ZFHX3: variants seen among roughly 807,000 people sequenced by gnomAD.
ZFHX3 encodes zinc finger homeobox protein 3.
ZFHX3 carries 42 observed loss-of-function variants against 279.1 expected under a neutral mutation model. The observed-to-expected ratio is 0.15, with a 90% CI of 0.12 to 0.19. The LOEUF is 0.19. Among genes scored for constraint, ZFHX3 ranks in the 10% least tolerant of loss-of-function variants. The pLI, the probability that ZFHX3 is intolerant of heterozygous loss-of-function variation, is 1.00. For synonymous variants in ZFHX3, 2,293 were observed against 1,957.8 expected, an observed-to-expected ratio of 1.17 and a Z score of -4.52; for missense variants, 4,981 against 4,754.0, an observed-to-expected ratio of 1.05 and a Z score of -1.40.
At chr16:73,805,830 G>A (rs328385) in intron 1 of ZFHX3, among the ~76,000 whole-genome samples, 7,591 of 152,204 alleles carry the variant, frequency 0.05, 599 homozygotes, top group African/African-American at 0.17. Flanking sequence ...AGGGTGATGG[G>A]GGTACTTCTT....
chr16:73,639,214 C>T (rs533608999), intron 2 of ZFHX3, among the ~76,000 whole-genome samples: 2 of 152,136 alleles, frequency 1.3e-5, no homozygotes, highest in African/African-American at 4.8e-5. Context: ...TAATCAAGTC[C>T]ACAGCAGCAT....
At chr16:72,939,260 A>C (rs1459268322) in intron 3 of ZFHX3, among the ~76,000 whole-genome samples, 1 of 152,110 alleles carries the variant, frequency 6.6e-6, no homozygotes, top group East Asian at 1.9e-4. Flanking sequence ...ATCTCGAGGC[A>C]CAGAGTACCC....
chr16:73,057,483 G>A (rs1965582129), intron 1 of ZFHX3, among the ~76,000 whole-genome samples: 1 of 151,694 alleles, frequency 6.6e-6, no homozygotes, highest in Non-Finnish European at 1.5e-5. Flanking sequence ...GTGGAGCCGG[G>A]CGAGGGGTGA....
At chr16:73,026,338 A>G (rs1425828248) in intron 1 of ZFHX3, among the ~76,000 whole-genome samples, 1 of 151,528 alleles carries the variant, frequency 6.6e-6, no homozygotes, top group Non-Finnish European at 1.5e-5. Context: ...ACACCACTGC[A>G]CTCCAGGCTG....
intron 3 of ZFHX3, among the ~76,000 whole-genome samples, chr16:72,894,230 A>T (rs2038841802): frequency 6.6e-6 from 1 of 151,984 alleles, no homozygotes; most frequent in African/African-American, 2.4e-5. Flanking sequence ...ATCCCAACCC[A>T]AACTTCTGCT....
intron 1 of ZFHX3, among the ~76,000 whole-genome samples, chr16:73,871,833 A>G (rs929493857): frequency 6.6e-6 from 1 of 152,218 alleles, no homozygotes; most frequent in African/African-American, 2.4e-5. Flanking sequence ...TCACCTTGAA[A>G]AGCAACAAGC....
chr16:73,360,197 G>C (rs1431798069), intron 3 of ZFHX3, among the ~76,000 whole-genome samples: 1 of 152,176 alleles, frequency 6.6e-6, no homozygotes, highest in African/African-American at 2.4e-5. Flanking sequence ...CAAGATACAC[G>C]TGACAATAAT....
chr16:73,748,734 G>A (rs1280689675), intron 1 of ZFHX3, among the ~76,000 whole-genome samples: 1 of 152,166 alleles, frequency 6.6e-6, no homozygotes, highest in African/African-American at 2.4e-5. Context: ...AAATGGAAGT[G>A]TCTTTGCCTA....
intron 1 of ZFHX3, among the ~76,000 whole-genome samples, chr16:73,043,692 G>A (rs77168008): frequency 0.027 from 4,104 of 152,276 alleles, 174 homozygotes; most frequent in African/African-American, 0.09. Context: ...TACTTCTGAA[G>A]CTTCAGCTCA....
At chr16:73,847,449 G>A (rs977890981) in intron 1 of ZFHX3, among the ~76,000 whole-genome samples, 1 of 152,166 alleles carries the variant, frequency 6.6e-6, no homozygotes, top group Non-Finnish European at 1.5e-5. Flanking sequence ...ACCCTTGGCA[G>A]GCATTTGTAG....
chr16:73,666,276 A>G (rs998115942), intron 2 of ZFHX3, among the ~76,000 whole-genome samples: 2 of 152,014 alleles, frequency 1.3e-5, no homozygotes, highest in African/African-American at 4.8e-5. Flanking sequence ...GAGAAGTTAC[A>G]TGGGATCACA....
chr16:73,028,470 CACA>C (rs1964587828), intron 1 of ZFHX3, among the ~76,000 whole-genome samples: 1 of 152,138 alleles, frequency 6.6e-6, no homozygotes, highest in Non-Finnish European at 1.5e-5. Context: ...GGGGCTGCCA[CACA>C]CCGGGTTTGG....
At chr16:73,654,803 TA>T (rs1263136549) in intron 2 of ZFHX3, among the ~76,000 whole-genome samples, 2 of 147,334 alleles carry the variant, frequency 1.4e-5, no homozygotes, top group Non-Finnish European at 3.0e-5. Context: ...GAAATTAAAA[TA>T]ATTTTTTAAA....
rs139620617 is a variant in ZFHX3, at chr16:73,821,568, T to C, written c.-1608+70083A>G. 9.8e-5 allele frequency among the ~76,000 whole-genome samples: 15 copies of C among 152,364 alleles called. No individual in the cohort carries two copies. The East Asian group carries it at 2.7e-3, about 27-fold the overall frequency. ...ACTGTTATGACAACTTGAGATAATG[T>C]ATCAAAGTGCACAGCGTGGTGCTGG... On this transcript the variant is annotated intron_variant, in intron 1 of 17. Transcript: ENST00000641206.
At chr16:72,862,467 G>C (rs1421334603) in intron 4 of ZFHX3, among the ~76,000 whole-genome samples, 1 of 152,200 alleles carries the variant, frequency 6.6e-6, no homozygotes, top group Non-Finnish European at 1.5e-5. Flanking sequence ...CCTTGATAAG[G>C]AGTAGCCCAG....
At chr16:72,900,041 G>T (rs956694424) in intron 3 of ZFHX3, among the ~76,000 whole-genome samples, 4 of 148,570 alleles carry the variant, frequency 2.7e-5, no homozygotes, top group African/African-American at 7.5e-5. Context: ...CACACACAGG[G>T]CTGCCTTCAC....
rs2053214479 is a variant in ZFHX3, at chr16:73,698,130, TA to T, written c.-1607-17891del. Among the ~76,000 whole-genome samples the T allele has an allele frequency of 2.0e-5, 3 of 152,282 alleles. No homozygotes were observed. The South Asian group carries it at 6.2e-4, about 32-fold the overall frequency. On this transcript the variant is annotated intron_variant, in intron 1 of 17. Coordinates refer to the ZFHX3 transcript ENST00000641206. Reference sequence around the variant, plus strand: ...ATCAATGTCAATTTCTTAGTTTTGGTAATTGTACCATGGTTATGGTACAATT... The same window carrying T: ...ATCAATGTCAATTTCTTAGTTTTGGTATTGTACCATGGTTATGGTACAATT...
chr16:73,782,612 T>C (rs1959510584), intron 1 of ZFHX3, among the ~76,000 whole-genome samples: 1 of 152,184 alleles, frequency 6.6e-6, no homozygotes, highest in Non-Finnish European at 1.5e-5. Flanking sequence ...GCTCCCCTTG[T>C]GGTTAGACGA....
chr16:73,251,533 C>T (rs1339319708), intron 5 of ZFHX3, among the ~76,000 whole-genome samples: 1 of 152,136 alleles, frequency 6.6e-6, no homozygotes, highest in Non-Finnish European at 1.5e-5. Flanking sequence ...ATCCCAGAAC[C>T]TTGGTCTTAG....
Sources: allele counts gnomAD v4.1 joint callset (sites outside exome capture counted in the v4.1 genomes callset), GRCh38; gene constraint gnomAD v4.1.1; transcripts MANE v1.5; gene names NCBI Gene and HGNC (gene_info 2026-07-23, HGNC 2026-07-21).